The following NAGS variants were observed in gnomAD, a reference collection of about 807,000 sequenced individuals.
NAGS encodes the protein N-acetylglutamate synthase, mitochondrial.
NAGS carries 34 observed loss-of-function variants against 46.9 expected under a neutral mutation model. The observed-to-expected ratio is 0.72, with a 90% CI of 0.55 to 0.97. The LOEUF (loss-of-function observed/expected upper bound fraction) is 0.97, where lower values mean the gene tolerates loss of function less well. Ranked by LOEUF, NAGS falls within the 50% of genes least tolerant of loss-of-function variation. NAGS has a pLI of 0.00. For missense variants in NAGS, 665 were observed against 747.0 expected (o/e 0.89, Z 1.28); for synonymous variants, 334 against 346.3 (o/e 0.96, Z 0.39).
Position 44,007,538 on chromosome 17 carries a change from GGCAGCTTCGGACCAAGGA to G in NAGS, c.1268+46_1269-34del, listed in dbSNP as rs1175725222. The G allele has an allele frequency of 5.0e-6, 8 of 1,613,082 alleles. No homozygotes were observed. Among genetic ancestry groups the G allele is most frequent in the African/African-American group, 1.3e-5 (1 of 75,020 alleles). ...GAGGGCGGGGTCTGGGGGGCAGTCG[GGCAGCTTCGGACCAAGGA>G]GAGGTCCCAGCCTGCCGCTCTCCCG... On this transcript the variant is annotated intron_variant, in intron 5 of 6. Transcript: ENST00000293404. The surrounding 1 kb of genome is among the most constrained non-coding windows in gnomAD (Gnocchi z 5.1).
rs201310602 is a variant in NAGS, at chr17:44,006,613, C to G, written c.1000C>G (p.Arg334Gly). The change falls in exon 4 of 7, where the codon CGG becomes GGG. Residue 334 changes from arginine to glycine, a missense_variant. Transcript: ENST00000293404. This position sits in a 1 kb window ranked among gnomAD's most constrained non-coding sequence, Gnocchi z 4.8. ...WVSTKERQQMRLIVDVLSRLP... is the reference protein window; with the variant it reads ...WVSTKERQQMGLIVDVLSRLP... Reference sequence around the variant, plus strand: ...GAGCACAAAAGAACGGCAGCAGATGCGGCTCATCGTGGACGTGCTCAGCCG... The same window carrying G: ...GAGCACAAAAGAACGGCAGCAGATGGGGCTCATCGTGGACGTGCTCAGCCG... 1 of 1,605,060 alleles carries G rather than the reference C, an allele frequency of 6.2e-7. No homozygotes were observed. Among genetic ancestry groups the G allele is most frequent in the Non-Finnish European group, 8.5e-7 (1 of 1,176,334 alleles).
chr17:44,005,486 C>G lies in NAGS; in HGVS notation c.427-151C>G. 1 of 1,099,124 alleles carries G rather than the reference C, an allele frequency of 9.1e-7. No individual in the cohort carries two copies. Among genetic ancestry groups the G allele is most frequent in the South Asian group, 1.4e-5 (1 of 69,314 alleles). 68.1% of individuals were successfully genotyped at this position (1,099,124 alleles called of 1,614,324 possible). A position where few individuals can be genotyped will look rare whatever the true frequency, so the allele number is the denominator to read the frequency against. On this transcript the variant is annotated intron_variant, in intron 1 of 6. Coordinates refer to ENST00000293404, the MANE Select transcript of NAGS (RefSeq NM_153006.3). This position sits in a 1 kb window ranked among gnomAD's most constrained non-coding sequence, Gnocchi z 7.2. ...AAGGGAGTGGCAAGACCCAACGGGG[C>G]AAAGGGCGGAGCAGGTGGGCACTGG...
Position 44,007,347 on chromosome 17 carries a change from C to T in NAGS, c.1121C>T (p.Ala374Val). 6.2e-7 allele frequency: 1 copy of T among 1,613,958 alleles called. No individual in the cohort carries two copies. Among genetic ancestry groups the T allele is most frequent in the Non-Finnish European group, 8.5e-7 (1 of 1,179,942 alleles). Residue 374 changes from alanine (A) to valine (V), a missense_variant, in exon 5 of 7, where the codon GCC (alanine) becomes GTC (valine). Transcript: ENST00000293404. The surrounding 1 kb of genome is among the most constrained non-coding windows in gnomAD (Gnocchi z 5.1). ...GGGTCCGGGACCCTGTTCAAGAACG[C>T]CGAGCGAATGCTACGGGTGCGCAGC... The part of the protein sequence containing the change: ...NKGSGTLFKN[A>V]ERMLRVRSLD...
Position 44,005,355 on chromosome 17 carries a change from G to A in NAGS, c.426+266G>A, listed in dbSNP as rs1472518590. The stretch of plus-strand genomic sequence containing the variant: ...GGCCCCCAACATGGGCGCAGTTAGG[G>A]GTTCAGAAGGACCTGGACAGGAGCC... On this transcript the variant is annotated intron_variant, in intron 1 of 6. Transcript: ENST00000293404. This position sits in a 1 kb window ranked among gnomAD's most constrained non-coding sequence, Gnocchi z 7.2. Among the ~76,000 whole-genome samples, 4 of 152,218 alleles carry A rather than the reference G, an allele frequency of 2.6e-5. No homozygotes were observed. The highest frequency in any genetic ancestry group is 5.9e-5 in the Non-Finnish European group (4 of 68,044).
rs768969364 is a variant in NAGS at position 44,007,625 on chromosome 17, G to C, written c.1303G>C (p.Val435Leu). 1 of 1,605,914 alleles carries C rather than the reference G, an allele frequency of 6.2e-7. No homozygotes were observed. The highest frequency in any genetic ancestry group is 8.5e-7 in the Non-Finnish European group (1 of 1,176,356). ...CGCCGCCATTCTGACCATGGAGCCC[G>C]TCCTGGGGGGCACCCCGTACCTGGA... ...NAAAILTMEP[V>L]LGGTPYLDKF... is the part of the protein sequence containing the mutation. The change falls in exon 6 of 7, where the codon GTC becomes CTC. Residue 435 changes from valine (V) to leucine (L), a missense_variant. Physicochemically the swap from Val to Leu is conservative, Grantham distance 32. Transcript: ENST00000293404. The surrounding 1 kb of genome is among the most constrained non-coding windows in gnomAD (Gnocchi z 5.1).
In NAGS at chr17:44,008,644, A is replaced by G. The variant is rs762719000; in HGVS notation, c.*43A>G. On this transcript the variant is annotated 3_prime_UTR_variant, in exon 7 of 7. Transcript: ENST00000293404. ...ACAGGCCCTGGAATGGCCAGGGTGG[A>G]CCAAAAGCCATGCCAGCTGGGCATG... 97 of 1,612,136 alleles carry G rather than the reference A, an allele frequency of 6.0e-5. No individual in the cohort carries two copies. The highest frequency in any genetic ancestry group is 8.1e-5 in the Non-Finnish European group (96 of 1,179,672).
At position 44,007,189 on chromosome 17, in the gene NAGS, C is replaced by A; in HGVS notation, c.1097-134C>A. ...AAAATCACAGACAAATCTATGCAGA[C>A]CACTGAAATCATTTCACTGTGGAGG... On this transcript the variant is annotated intron_variant, in intron 4 of 6. Transcript: ENST00000293404. This position sits in a 1 kb window ranked among gnomAD's most constrained non-coding sequence, Gnocchi z 5.1. 1.3e-6 allele frequency: 1 copy of A among 769,394 alleles called. No homozygotes were observed. Among genetic ancestry groups the A allele is most frequent in the Non-Finnish European group, 2.1e-6 (1 of 478,748 alleles). The allele number at this position is 769,394 out of a possible 1,614,324, so 47.7% of individuals were successfully genotyped here. A position where few individuals can be genotyped will look rare whatever the true frequency, so the allele number is the denominator to read the frequency against.
Position 44,006,972 on chromosome 17 carries a change from G to A in NAGS, c.1096+263G>A. ...GAGAAGGAGGGGCCCCCCGGTGGGC[G>A]GGGCCAGGGGCGGGACCATAAGGGA... On this transcript the variant is annotated intron_variant, in intron 4 of 6. Coordinates refer to ENST00000293404, the MANE Select transcript of NAGS (RefSeq NM_153006.3). The surrounding 1 kb of genome is among the most constrained non-coding windows in gnomAD (Gnocchi z 4.8). 4.1e-6 allele frequency: 2 copies of A among 491,658 alleles called. No homozygotes were observed. The highest frequency in any genetic ancestry group is 3.5e-6 in the Non-Finnish European group (1 of 285,364). 30.5% of individuals were successfully genotyped at this position (491,658 alleles called of 1,614,324 possible).
Position 44,007,674 on chromosome 17 carries a change from G to A in NAGS, c.1352G>A (p.Arg451His), listed in dbSNP as rs1450023395. ...YLDKFVVSSS[R>H]QGQGSGQMLW... ...GACAAATTTGTGGTGAGCTCCAGCC[G>A]CCAGGGCCAAGGCTCCGGCCAGATG... is the stretch of plus-strand genomic sequence containing the variant. The change falls in exon 6 of 7, where the codon CGC becomes CAC. Residue 451 changes from arginine (R) to histidine (H), a missense_variant. Transcript: ENST00000293404. The surrounding 1 kb of genome is among the most constrained non-coding windows in gnomAD (Gnocchi z 5.1). 6.2e-7 allele frequency: 1 copy of A among 1,603,418 alleles called. No homozygotes were observed. The highest frequency in any genetic ancestry group is 1.7e-5 in the Admixed American group (1 of 58,912).
At position 44,005,799 on chromosome 17, in the gene NAGS, G is replaced by A; in HGVS notation, c.589G>A (p.Ala197Thr). 3 of 1,585,750 alleles carry A rather than the reference G, an allele frequency of 1.9e-6. No individual in the cohort carries two copies. The highest frequency in any genetic ancestry group is 2.3e-5 in the East Asian group (1 of 43,720). Residue 197 changes from alanine (A) to threonine (T), a missense_variant, in exon 2 of 7, where the codon GCC becomes ACC. Transcript: ENST00000293404. This position sits in a 1 kb window ranked among gnomAD's most constrained non-coding sequence, Gnocchi z 7.2. ...CTTCTGGGAGGCCAAGGCGCAGCTG[G>A]CCAAGAGCTGCAAGGTGCTGGTAGA... Reference protein sequence around the residue: ...LSFWEAKAQLAKSCKVLVDAL... With the variant: ...LSFWEAKAQLTKSCKVLVDAL...
Position 44,006,332 on chromosome 17 carries a change from C to A in NAGS, c.915+95C>A. 1 of 1,513,320 alleles carries A rather than the reference C, an allele frequency of 6.6e-7. No individual in the cohort carries two copies. Among genetic ancestry groups the A allele is most frequent in the Non-Finnish European group, 9.0e-7 (1 of 1,111,186 alleles). 93.7% of individuals were successfully genotyped at this position (1,513,320 alleles called of 1,614,324 possible). A position where few individuals can be genotyped will look rare whatever the true frequency, so the allele number is the denominator to read the frequency against. On this transcript the variant is annotated intron_variant, in intron 3 of 6. Transcript: ENST00000293404. The surrounding 1 kb of genome is among the most constrained non-coding windows in gnomAD (Gnocchi z 4.8). The stretch of plus-strand genomic sequence containing the variant: ...CCCCGACGGGCCGCAGACTCACTAG[C>A]AAGCCGGGTGGGTAGAAAAGCCTAA...
Position 44,005,588 on chromosome 17 carries a change from C to A in NAGS, c.427-49C>A. ...GCCCTGCAGGCCAGGCTGTGGGAGC[C>A]AGCGGCTCAGGTCCGTGTCACGCTC... is the stretch of plus-strand genomic sequence containing the variant. On this transcript the variant is annotated intron_variant, in intron 1 of 6. Transcript: ENST00000293404. The surrounding 1 kb of genome is among the most constrained non-coding windows in gnomAD (Gnocchi z 7.2). The A allele has an allele frequency of 6.3e-7, 1 of 1,590,800 alleles. No individual in the cohort carries two copies. Among genetic ancestry groups the A allele is most frequent in the Non-Finnish European group, 8.5e-7 (1 of 1,169,812 alleles).
In NAGS at chr17:44,005,510, G is replaced by C; in HGVS notation, c.427-127G>C. On this transcript the variant is annotated intron_variant, in intron 1 of 6. Coordinates refer to ENST00000293404, the MANE Select transcript of NAGS (RefSeq NM_153006.3). The surrounding 1 kb of genome is among the most constrained non-coding windows in gnomAD (Gnocchi z 7.2). ...GCAAAGGGCGGAGCAGGTGGGCACT[G>C]GTGGCCAGAACTGGGTCCTGACAGC... 7.5e-7 allele frequency: 1 copy of C among 1,326,760 alleles called. No homozygotes were observed. Among genetic ancestry groups the C allele is most frequent in the Non-Finnish European group, 1.0e-6 (1 of 958,030 alleles). The allele number at this position is 1,326,760 out of a possible 1,614,324, so 82.2% of individuals were successfully genotyped here.
chr17:44,007,788 TCC>T lies in NAGS; in HGVS notation c.1451+17_1451+18del. Reference sequence around the variant, plus strand: ...ATCAATCCCTGGTAGGTCCTGCCACTCCCAGCTCTGGGCTGGGCCCTGACTTC... The same window carrying T: ...ATCAATCCCTGGTAGGTCCTGCCACTCAGCTCTGGGCTGGGCCCTGACTTC... On this transcript the variant is annotated intron_variant, in intron 6 of 6. Coordinates refer to ENST00000293404, the MANE Select transcript of NAGS (RefSeq NM_153006.3). This position sits in a 1 kb window ranked among gnomAD's most constrained non-coding sequence, Gnocchi z 5.1. The T allele has an allele frequency of 1.9e-6, 3 of 1,571,276 alleles. No homozygotes were observed. Among genetic ancestry groups the T allele is most frequent in the Non-Finnish European group, 2.6e-6 (3 of 1,156,848 alleles).
rs377138883 is a variant in NAGS at position 44,007,800 on chromosome 17, G to A, written c.1451+27G>A. The A allele has an allele frequency of 3.2e-6, 5 of 1,566,870 alleles. No individual in the cohort carries two copies. Among genetic ancestry groups the A allele is most frequent in the Non-Finnish European group, 3.5e-6 (4 of 1,154,312 alleles). On this transcript the variant is annotated intron_variant, in intron 6 of 6. Coordinates refer to ENST00000293404, the MANE Select transcript of NAGS (RefSeq NM_153006.3). The surrounding 1 kb of genome is among the most constrained non-coding windows in gnomAD (Gnocchi z 5.1). ...TAGGTCCTGCCACTCCCAGCTCTGG[G>A]CTGGGCCCTGACTTCCCTCCCCTCT...
Position 44,005,318 on chromosome 17 carries a change from T to G in NAGS, c.426+229T>G, listed in dbSNP as rs546001201. Reference sequence around the variant, plus strand: ...GGGGGACCCCACCCGCCAGGTGTGATGCTCTGAAGAAGGCCCCCAACATGG... The same window carrying G: ...GGGGGACCCCACCCGCCAGGTGTGAGGCTCTGAAGAAGGCCCCCAACATGG... On this transcript the variant is annotated intron_variant, in intron 1 of 6. Coordinates refer to ENST00000293404, the MANE Select transcript of NAGS (RefSeq NM_153006.3). The surrounding 1 kb of genome is among the most constrained non-coding windows in gnomAD (Gnocchi z 7.2). Among the ~76,000 whole-genome samples the G allele has an allele frequency of 6.6e-6, 1 of 152,180 alleles. No homozygotes were observed. Among genetic ancestry groups the G allele is most frequent in the Non-Finnish European group, 1.5e-5 (1 of 68,026 alleles).
At position 44,007,253 on chromosome 17, in the gene NAGS, T is replaced by G. The variant is rs1307449034; in HGVS notation, c.1097-70T>G. 3.3e-6 allele frequency: 5 copies of G among 1,499,884 alleles called. No homozygotes were observed. The East Asian group carries it at 1.2e-4, about 35-fold the overall frequency. 92.9% of individuals were successfully genotyped at this position (1,499,884 alleles called of 1,614,324 possible). A position where few individuals can be genotyped will look rare whatever the true frequency, so the allele number is the denominator to read the frequency against. ...GAAATTGTCCCACCAGCGCCTGTCC[T>G]ACCTGCAGTCCCCACCAGGCTGCGC... On this transcript the variant is annotated intron_variant, in intron 4 of 6. Transcript: ENST00000293404. The surrounding 1 kb of genome is among the most constrained non-coding windows in gnomAD (Gnocchi z 5.1).
chr17:44,006,958 G>GCC lies in NAGS; in HGVS notation c.1096+254_1096+255dup, dbSNP rs61077744. The GCC allele has an allele frequency of 5.6e-6, 2 of 356,138 alleles. No individual in the cohort carries two copies. The highest frequency in any genetic ancestry group is 1.0e-5 in the Non-Finnish European group (2 of 195,386). 22.1% of individuals were successfully genotyped at this position (356,138 alleles called of 1,614,324 possible). ...GCGGGACTAGGGGGGAGAAGGAGGG[G>GCC]CCCCCCGGTGGGCGGGGCCAGGGGC... On this transcript the variant is annotated intron_variant, in intron 4 of 6. Transcript: ENST00000293404. The surrounding 1 kb of genome is among the most constrained non-coding windows in gnomAD (Gnocchi z 4.8).
At position 44,004,649 on chromosome 17, in the gene NAGS, G is replaced by T; in HGVS notation, c.-15G>T. ...ACAGACTGCCACTCTTGGGGGGCAAGAGTTGGTTGTCGTCATGGCGACGGC... is the reference window on the plus strand; with the variant it reads ...ACAGACTGCCACTCTTGGGGGGCAATAGTTGGTTGTCGTCATGGCGACGGC... On this transcript the variant is annotated 5_prime_UTR_variant, in exon 1 of 7. Transcript: ENST00000293404. 1 of 1,515,728 alleles carries T rather than the reference G, an allele frequency of 6.6e-7. No homozygotes were observed. Among genetic ancestry groups the T allele is most frequent in the Admixed American group, 2.0e-5 (1 of 50,504 alleles). The allele number at this position is 1,515,728 out of a possible 1,614,324, so 93.9% of individuals were successfully genotyped here.
Sources: gnomAD v4.1 joint callset for allele counts (sites outside exome capture counted in the v4.1 genomes callset) on GRCh38, gnomAD v4.1.1 for gene constraint, Gnocchi (gnomAD v3.1) non-coding constraint, MANE v1.5 for transcripts, NCBI Gene and HGNC (gene_info 2026-07-23, HGNC 2026-07-21) for gene names.